TULP4: variants seen among roughly 807,000 people sequenced by gnomAD.
TULP4 encodes the protein TUB like protein 4, also known as tubby-related protein 4.
TULP4 carries 16 observed loss-of-function variants against 129.0 expected under a neutral mutation model. The observed-to-expected ratio is 0.12, with a 90% confidence interval of 0.08 to 0.19. The LOEUF (loss-of-function observed/expected upper bound fraction) is 0.19, where lower values mean the gene tolerates loss of function less well. Among genes scored for constraint, TULP4 ranks in the 10% least tolerant of loss-of-function variants. TULP4 has a pLI of 1.00. For synonymous variants in TULP4, 998 were observed against 854.0 expected, an observed-to-expected ratio of 1.17 and a Z score of -2.94; for missense variants, 1,842 against 2,059.1, an observed-to-expected ratio of 0.89 and a Z score of 2.04.
intron 1 of TULP4, among the ~76,000 whole-genome samples, chr6:158,304,840 T>A (rs1284635798): frequency 1.3e-5 from 2 of 151,968 alleles, no homozygotes; most frequent in Non-Finnish European, 2.9e-5. Context: ...CTGATTTTTT[T>A]ATTTTTTGTA....
intron 6 of TULP4, among the ~76,000 whole-genome samples, chr6:158,469,977 T>C (rs1437380463): frequency 6.6e-6 from 1 of 152,074 alleles, no homozygotes; most frequent in Non-Finnish European, 1.5e-5. Context: ...CCTGGGGTTC[T>C]TGGCCTCACG....
rs747221264 is a variant in TULP4, at chr6:158,481,163, G to A, written c.1360G>A (p.Gly454Ser). 7 of 1,614,192 alleles carry A rather than the reference G, an allele frequency of 4.3e-6. No homozygotes were observed. The highest frequency in any genetic ancestry group is 5.1e-6 in the Non-Finnish European group (6 of 1,180,020). ...GCGCACAGAGGACGACCCGGAGGTGGGCGGCCCGTGCTACACGCTCTACCT... is the reference window on the plus strand; with the variant it reads ...GCGCACAGAGGACGACCCGGAGGTGAGCGGCCCGTGCTACACGCTCTACCT... Reference protein sequence around the residue: ...MKRTEDDPEVGGPCYTLYLEY... With the variant: ...MKRTEDDPEVSGPCYTLYLEY... The change falls in exon 8 of 14, where the codon GGC becomes AGC. Residue 454 changes from glycine to serine, a missense_variant. Coordinates refer to ENST00000367097, the MANE Select transcript of TULP4 (RefSeq NM_020245.5).
intron 1 of TULP4, among the ~76,000 whole-genome samples, chr6:158,329,377 C>G (rs1333708947): frequency 1.3e-5 from 2 of 151,036 alleles, no homozygotes; most frequent in Non-Finnish European, 2.9e-5. Context: ...AAGGCAAAAC[C>G]GAGATTTGTA....
chr6:158,443,400 A>G (rs985211177), intron 3 of TULP4, among the ~76,000 whole-genome samples: 1 of 152,250 alleles, frequency 6.6e-6, no homozygotes, highest in Non-Finnish European at 1.5e-5. Context: ...TACAGGCATG[A>G]GCTACCATGC....
At chr6:158,426,910 T>C (rs186790146) in intron 2 of TULP4, among the ~76,000 whole-genome samples, 16 of 152,314 alleles carry the variant, frequency 1.1e-4, no homozygotes, top group Non-Finnish European at 2.2e-4. Context: ...CAGTGTTTTG[T>C]AGTTCTCTTT....
chr6:158,418,099 GT>G (rs35832683), intron 2 of TULP4, among the ~76,000 whole-genome samples: 2,215 of 134,106 alleles, frequency 0.017, 23 homozygotes, highest in Non-Finnish European at 0.024. Context: ...GTGTGTGTGT[GT>G]TTTTTTTTTT....
chr6:158,234,570 G>A (rs1020934185), intron 1 of TULP4, among the ~76,000 whole-genome samples: 2 of 152,232 alleles, frequency 1.3e-5, no homozygotes. Flanking sequence ...CCTGGAGAGA[G>A]TGAAGATAGA....
Position 158,267,592 on chromosome 6 carries a change from A to G in TULP4, n.68+35289A>G, listed in dbSNP as rs563429634. 6.6e-5 allele frequency among the ~76,000 whole-genome samples: 10 copies of G among 152,300 alleles called. No individual in the cohort carries two copies. In the South Asian group the frequency reaches 2.1e-3, roughly 32 times the overall value. ...TCTGTGTACAGTTAGCAGCCATCTC[A>G]TAGTAAATCTTCCAAATAATTAGGA... is the stretch of plus-strand genomic sequence containing the variant. On this transcript the variant is annotated intron_variant and non_coding_transcript_variant, in intron 1 of 1. Coordinates refer to the TULP4 transcript ENST00000620026.
intron 1 of TULP4, among the ~76,000 whole-genome samples, chr6:158,346,523 A>G (rs535809241): frequency 6.6e-6 from 1 of 152,350 alleles, no homozygotes; most frequent in Admixed American, 6.5e-5. Flanking sequence ...TTGCTTTATT[A>G]TAGTGATCTA....
rs1486948202 is a variant in TULP4, at chr6:158,413,640, T to A, written c.381+447T>A. ...GGGTGCTACAATCTCTTCCACAGGC[T>A]TCAATCAGCACGGCCTCCTGTTGTC... On this transcript the variant is annotated intron_variant, in intron 2 of 13. Transcript: ENST00000367097. This position sits in a 1 kb window ranked among gnomAD's most constrained non-coding sequence, Gnocchi z 4.9. Among the ~76,000 whole-genome samples the A allele has an allele frequency of 5.3e-5, 8 of 152,230 alleles. No homozygotes were observed. The highest frequency in any genetic ancestry group is 1.0e-4 in the Non-Finnish European group (7 of 68,042).
intron 1 of TULP4, among the ~76,000 whole-genome samples, chr6:158,263,639 C>T (rs1044948829): frequency 2.0e-5 from 3 of 152,112 alleles, no homozygotes; most frequent in South Asian, 2.1e-4. Flanking sequence ...GCCTGTCTTC[C>T]CAGCTACCCG....
intron 1 of TULP4, among the ~76,000 whole-genome samples, chr6:158,335,131 G>A (rs1008145899): frequency 6.6e-6 from 1 of 152,018 alleles, no homozygotes; most frequent in Non-Finnish European, 1.5e-5. Context: ...CAAAAAATTA[G>A]CAGAGTGTGG....
rs536921467 is a variant in TULP4 at position 158,461,646 on chromosome 6, A to C, written c.943A>C (p.Asn315His). ...ERQTQLGELP[N>H]GPLLKSAMVK... ...GCAGACCCAGCTTGGTGAGCTTCCC[A>C]ATGGTCCCCTTCTGAAGAGTGCCAT... Residue 315 changes from asparagine to histidine, a missense_variant, in exon 6 of 14, where the codon AAT becomes CAT. Transcript: ENST00000367097. The C allele has an allele frequency of 1.9e-6, 3 of 1,614,014 alleles. No homozygotes were observed. The African/African-American group carries it at 4.0e-5, about 22-fold the overall frequency.
rs67123255 is a variant in TULP4 at position 158,372,164 on chromosome 6, C to CTTTT, written c.253-40888_253-40885dup. Among the ~76,000 whole-genome samples, 578 of 83,312 alleles carry CTTTT rather than the reference C, an allele frequency of 6.9e-3. 41 individuals carry two copies. Among genetic ancestry groups the CTTTT allele is most frequent in the African/African-American group, 0.023 (472 of 20,198 alleles). 54.7% of individuals were successfully genotyped at this position (83,312 alleles called of 152,430 possible). A position where few individuals can be genotyped will look rare whatever the true frequency, so the allele number is the denominator to read the frequency against. On this transcript the variant is annotated intron_variant, in intron 1 of 13. Transcript: ENST00000367097. The stretch of plus-strand genomic sequence containing the variant: ...TTTTAATACAATTCCATTCTATCTG[C>CTTTT]TTTTTTTTTTTTTTTTAAAGAAAAA...
intron 1 of TULP4, among the ~76,000 whole-genome samples, chr6:158,362,298 C>T (rs1021923130): frequency 5.3e-5 from 8 of 152,168 alleles, no homozygotes; most frequent in African/African-American, 1.9e-4. Flanking sequence ...GACAGCATAA[C>T]AGACTGCGCT....
At chr6:158,235,829 A>T (rs922620688) in intron 1 of TULP4, among the ~76,000 whole-genome samples, 2 of 152,252 alleles carry the variant, frequency 1.3e-5, no homozygotes, top group African/African-American at 4.8e-5. Flanking sequence ...AACTCTGATT[A>T]GAAGTTATAG....
At chr6:158,349,562 GGCCGGGCAGAGGC>G (rs1780440960) in intron 1 of TULP4, among the ~76,000 whole-genome samples, 2 of 134,928 alleles carry the variant, frequency 1.5e-5, no homozygotes, top group Admixed American at 7.2e-5. Flanking sequence ...GACGATGGGT[GGCCGGGCAGAGGC>G]GCTCCTCACC....
intron 3 of TULP4, among the ~76,000 whole-genome samples, chr6:158,436,635 G>A (rs1778760005): frequency 6.6e-6 from 1 of 152,176 alleles, no homozygotes; most frequent in African/African-American, 2.4e-5. Context: ...AGTTTTCCGG[G>A]AGTAGAGGTA....
intron 1 of TULP4, among the ~76,000 whole-genome samples, chr6:158,273,660 A>C (rs1227824101): frequency 6.6e-6 from 1 of 152,132 alleles, no homozygotes; most frequent in Non-Finnish European, 1.5e-5. Flanking sequence ...ATTATTCATA[A>C]CTGTAATAGC....
Sources: gnomAD v4.1 joint callset for allele counts (sites outside exome capture counted in the v4.1 genomes callset) on GRCh38, gnomAD v4.1.1 for gene constraint, Gnocchi (gnomAD v3.1) non-coding constraint, MANE v1.5 for transcripts, NCBI Gene and HGNC (gene_info 2026-07-23, HGNC 2026-07-21) for gene names.